The following PCYT1B variants were observed in gnomAD, a reference collection of about 807,000 sequenced individuals.
PCYT1B encodes phosphate cytidylyltransferase 1B, choline.
A neutral mutation model predicts 26.4 loss-of-function variants in PCYT1B; 10 were observed. That is an observed-to-expected ratio of 0.38 (90% CI 0.23 to 0.64). The LOEUF (loss-of-function observed/expected upper bound fraction) is 0.64, where lower values mean the gene tolerates loss of function less well. Ranked by LOEUF, PCYT1B falls within the 30% of genes least tolerant of loss-of-function variation. The pLI, the probability that PCYT1B is intolerant of heterozygous loss-of-function variation, is 0.56. For missense variants in PCYT1B, 161 were observed against 292.7 expected (o/e 0.55, Z 3.28); for synonymous variants, 131 against 108.4 (o/e 1.21, Z -1.29).
At chrX:24,610,094 T>TTA (rs748477551) in intron 2 of PCYT1B, among the ~76,000 whole-genome samples, 1,534 of 106,916 alleles carry the variant, frequency 0.014, 24 homozygotes, top group Admixed American at 0.065. Context: ...GTGTCTCAAA[T>TTA]TATATATATA....
chrX:24,645,791 A>G (rs1399365424), intron 1 of PCYT1B, among the ~76,000 whole-genome samples: 4 of 111,500 alleles, frequency 3.6e-5, no homozygotes, highest in Non-Finnish European at 7.5e-5. Context: ...AGCATAGGGG[A>G]AAAAAGCCCA....
At chrX:24,634,197 G>T (rs1926200042) in intron 1 of PCYT1B, among the ~76,000 whole-genome samples, 1 of 111,953 alleles carries the variant, frequency 8.9e-6, no homozygotes, top group African/African-American at 3.2e-5. Context: ...GGAATTACAG[G>T]CATGAGCCAT....
intron 4 of PCYT1B, among the ~76,000 whole-genome samples, chrX:24,589,694 G>A (rs1924490869): frequency 9.0e-6 from 1 of 111,625 alleles, no homozygotes; most frequent in African/African-American, 3.3e-5. Context: ...CGTCCACAAG[G>A]AAGATACCAA....
intron 2 of PCYT1B, among the ~76,000 whole-genome samples, chrX:24,608,584 C>T (rs1035937100): frequency 9.0e-6 from 1 of 111,281 alleles, no homozygotes; most frequent in African/African-American, 3.3e-5. Context: ...GATGAACAAC[C>T]AACACTATAG....
At chrX:24,611,535 T>C (rs975515230) in intron 2 of PCYT1B, among the ~76,000 whole-genome samples, 7 of 111,581 alleles carry the variant, frequency 6.3e-5, no homozygotes, top group Middle Eastern at 4.2e-3. Context: ...TTAAGGTGGC[T>C]CCTAATGATC....
At chrX:24,594,490 T>C (rs1924714917) in intron 3 of PCYT1B, among the ~76,000 whole-genome samples, 2 of 111,620 alleles carry the variant, frequency 1.8e-5, no homozygotes, top group South Asian at 7.6e-4. Flanking sequence ...AACTAGGCCG[T>C]GCCACATCCT....
intron 1 of PCYT1B, chrX:24,621,819 T>A (rs1602187186): frequency 1.4e-6 from 1 of 709,054 alleles, no homozygotes; most frequent in South Asian, 7.2e-5. Flanking sequence ...ACTCACAAAG[T>A]TTATTAAAGA....
rs1015389839 is a variant in PCYT1B at position 24,560,697 on chromosome X, C to T, written c.*1596G>A. The T allele has an allele frequency of 2.7e-5, 3 of 111,757 alleles. No homozygotes were observed. The highest frequency in any genetic ancestry group is 9.8e-5 in the African/African-American group (3 of 30,635). The allele number at this position is 111,757 out of a possible 1,213,427, so 9.2% of individuals were successfully genotyped here. ...GCCGCCTTCCTTCACTGGTTGTCCCCTTGTCACCTAGAAGGCTGGTTCCCA... is the reference window on the plus strand; with the variant it reads ...GCCGCCTTCCTTCACTGGTTGTCCCTTTGTCACCTAGAAGGCTGGTTCCCA... On this transcript the variant is annotated 3_prime_UTR_variant, in exon 8 of 8. Transcript: ENST00000379144.
chrX:24,564,376 T>C (rs1411129523), intron 7 of PCYT1B, among the ~76,000 whole-genome samples: 1 of 68,096 alleles, frequency 1.5e-5, no homozygotes, highest in African/African-American at 4.2e-5. Context: ...TTTTGTTTTT[T>C]GTTTTTTTTT....
In PCYT1B at chrX:24,561,993, C is replaced by T. The variant is rs1440762226; in HGVS notation, c.*300G>A. On this transcript the variant is annotated 3_prime_UTR_variant, in exon 8 of 8. Transcript: ENST00000379144. ...GTGGAAGGACCAAAGCAGAAGTCACCCCATCAGTGCAAGTCTCTCTAGGGA... is the reference window on the plus strand; with the variant it reads ...GTGGAAGGACCAAAGCAGAAGTCACTCCATCAGTGCAAGTCTCTCTAGGGA... 2.2e-6 allele frequency: 2 copies of T among 903,342 alleles called. No individual in the cohort carries two copies. Among genetic ancestry groups the T allele is most frequent in the Non-Finnish European group, 3.2e-6 (2 of 626,577 alleles). 74.4% of individuals were successfully genotyped at this position (903,342 alleles called of 1,213,427 possible).
At position 24,561,750 on chromosome X, in the gene PCYT1B, C is replaced by G. The variant is rs889495220; in HGVS notation, c.*543G>C. The G allele has an allele frequency of 1.1e-5, 3 of 263,205 alleles. No individual in the cohort carries two copies. The highest frequency in any genetic ancestry group is 2.7e-5 in the African/African-American group (1 of 36,637). 21.7% of individuals were successfully genotyped at this position (263,205 alleles called of 1,213,427 possible). On this transcript the variant is annotated 3_prime_UTR_variant, in exon 8 of 8. Transcript: ENST00000379144. ...GCCACATTCATGGAACTGGAAGGAG[C>G]TGATGCGTTCCAACATCAGGTCTCA...
chrX:24,645,772 A>G (rs1472855390), intron 1 of PCYT1B, among the ~76,000 whole-genome samples: 1 of 111,481 alleles, frequency 9.0e-6, no homozygotes, highest in Non-Finnish European at 1.9e-5. Flanking sequence ...AAACATTTTT[A>G]AAAATAGAAG....
At chrX:24,574,741 T>C (rs1025656953) in intron 7 of PCYT1B, among the ~76,000 whole-genome samples, 2 of 112,120 alleles carry the variant, frequency 1.8e-5, no homozygotes, top group Non-Finnish European at 3.8e-5. Context: ...CCATGATCCA[T>C]GTCTTGTAAC....
intron 5 of PCYT1B, among the ~76,000 whole-genome samples, chrX:24,586,989 A>G (rs1924390896): frequency 8.9e-6 from 1 of 112,176 alleles, no homozygotes; most frequent in African/African-American, 3.2e-5. Flanking sequence ...TGACCCCGGA[A>G]ATTAAGCCTT....
intron 1 of PCYT1B, among the ~76,000 whole-genome samples, chrX:24,645,904 G>A (rs1457848811): frequency 1.8e-5 from 2 of 111,879 alleles, no homozygotes; most frequent in Non-Finnish European, 3.8e-5. Flanking sequence ...ACAGTTTTAT[G>A]ATGGGTTGGC....
intron 1 of PCYT1B, among the ~76,000 whole-genome samples, chrX:24,624,057 C>T (rs902697533): frequency 9.4e-6 from 1 of 106,171 alleles, no homozygotes; most frequent in Non-Finnish European, 1.9e-5. Flanking sequence ...GCAAGCTCCA[C>T]TTCCCGGGTT....
At chrX:24,569,084 GCAAGACT>G (rs1280676390) in intron 7 of PCYT1B, among the ~76,000 whole-genome samples, 1 of 111,102 alleles carries the variant, frequency 9.0e-6, no homozygotes, top group Non-Finnish European at 1.9e-5. Context: ...GGGTGACAGA[GCAAGACT>G]CTGTCTTAAA....
At chrX:24,666,624 TGTGTGTGTGTGTGA>T (rs1303870677) in intron 1 of PCYT1B, among the ~76,000 whole-genome samples, 1 of 110,260 alleles carries the variant, frequency 9.1e-6, no homozygotes, top group African/African-American at 3.3e-5. Context: ...TGTGTGTGTG[TGTGTGTGTGTGTGA>T]GAGCGAGAGA....
At chrX:24,629,661 G>A (rs1377718242) in intron 1 of PCYT1B, among the ~76,000 whole-genome samples, 1 of 102,999 alleles carries the variant, frequency 9.7e-6, no homozygotes, top group African/African-American at 3.5e-5. Flanking sequence ...GTAAACCAGT[G>A]CCTGAATGCT....
Sources: allele counts gnomAD v4.1 joint callset (sites outside exome capture counted in the v4.1 genomes callset), GRCh38; gene constraint gnomAD v4.1.1; transcripts MANE v1.5; gene names NCBI Gene and HGNC (gene_info 2026-07-23, HGNC 2026-07-21).